NIM1K: variants seen among roughly 807,000 people sequenced by gnomAD.
The protein encoded by NIM1K is serine/threonine-protein kinase NIM1.
A neutral mutation model predicts 37.1 loss-of-function variants in NIM1K; 35 were observed. The observed-to-expected ratio is 0.94, with a 90% CI of 0.72 to 1.25. The LOEUF (loss-of-function observed/expected upper bound fraction) is 1.25. NIM1K is among the 50% of genes most tolerant of loss of function. The pLI is 0.00. For synonymous variants in NIM1K, 234 were observed against 206.6 expected, an observed-to-expected ratio of 1.13 and a Z score of -1.14; for missense variants, 564 against 548.0, an observed-to-expected ratio of 1.03 and a Z score of -0.29.
intron 1 of NIM1K, chr5:43,194,769 C>A (rs1227369043): frequency 6.6e-6 from 1 of 152,076 alleles, no homozygotes; most frequent in African/African-American, 2.4e-5. Context: ...GTTTTATTTT[C>A]TTTTCGTTTT....
chr5:43,255,754 A>AAAAAAAG (rs112325348), intron 2 of NIM1K, among the ~76,000 whole-genome samples: 8 of 131,808 alleles, frequency 6.1e-5, no homozygotes, highest in African/African-American at 2.0e-4. Context: ...TCTCAAAAAA[A>AAAAAAAG]AAAGAAAGAA....
Position 43,241,110 on chromosome 5 carries a change from A to G in NIM1K, c.-694-3972A>G, listed in dbSNP as rs146009977. ...ATGAGAATTCCTGTTTCCCCATACT[A>G]TCTCTCACCATTGCACTATCAAAAT... On this transcript the variant is annotated intron_variant, in intron 1 of 3. Transcript: ENST00000326035. Among the ~76,000 whole-genome samples, 47 of 152,108 alleles carry G rather than the reference A, an allele frequency of 3.1e-4. No individual in the cohort carries two copies. The East Asian group carries it at 8.5e-3, about 27-fold the overall frequency.
chr5:43,195,087 G>A (rs758588437), intron 1 of NIM1K, among the ~76,000 whole-genome samples: 10 of 152,100 alleles, frequency 6.6e-5, no homozygotes, highest in Non-Finnish European at 1.5e-4. Context: ...TCTTTCACTT[G>A]TTGAAAGGAC....
chr5:43,194,273 G>A (rs571953696), intron 1 of NIM1K, among the ~76,000 whole-genome samples: 3 of 152,312 alleles, frequency 2.0e-5, no homozygotes, highest in East Asian at 3.9e-4. Context: ...TCCTGCGAGA[G>A]GCTAGTGGGG....
At chr5:43,262,501 T>C (rs963366051) in intron 2 of NIM1K, among the ~76,000 whole-genome samples, 3 of 152,188 alleles carry the variant, frequency 2.0e-5, no homozygotes, top group Admixed American at 2.0e-4. Context: ...CTTAAGGAGA[T>C]TTGCGGCTGA....
At chr5:43,218,054 C>T (rs944354333) in intron 1 of NIM1K, among the ~76,000 whole-genome samples, 7 of 151,416 alleles carry the variant, frequency 4.6e-5, no homozygotes, top group African/African-American at 1.7e-4. Flanking sequence ...GTCTGTCGCC[C>T]AGGCTGGAGT....
intron 1 of NIM1K, among the ~76,000 whole-genome samples, chr5:43,244,177 A>G (rs1418400000): frequency 6.6e-6 from 1 of 152,258 alleles, no homozygotes; most frequent in Non-Finnish European, 1.5e-5. Flanking sequence ...TTGGAAATCC[A>G]TACTTCCAAG....
rs80103922 is a variant in NIM1K, at chr5:43,216,448, C to T, written c.-695+24037C>T. 5.4e-4 allele frequency among the ~76,000 whole-genome samples: 82 copies of T among 152,202 alleles called. 1 individual carries two copies. In the East Asian group the frequency reaches 0.012, roughly 21 times the overall value. On this transcript the variant is annotated intron_variant, in intron 1 of 3. Coordinates refer to ENST00000326035, the MANE Select transcript of NIM1K (RefSeq NM_153361.4). ...AAATATTAATCTCTTGAGATGAGTGCGTTTCATATCTTTTGGTAGTGCAAT... is the reference window on the plus strand; with the variant it reads ...AAATATTAATCTCTTGAGATGAGTGTGTTTCATATCTTTTGGTAGTGCAAT...
intron 1 of NIM1K, chr5:43,231,761 A>G: frequency 1.8e-6 from 2 of 1,131,292 alleles, no homozygotes; most frequent in Non-Finnish European, 1.3e-6. Flanking sequence ...TTCAATGTTT[A>G]AAACAGAATA....
intron 2 of NIM1K, among the ~76,000 whole-genome samples, chr5:43,251,088 G>A (rs1393749523): frequency 6.6e-6 from 1 of 152,104 alleles, no homozygotes; most frequent in Non-Finnish European, 1.5e-5. Flanking sequence ...CACTCAAAAT[G>A]GTAGCTGCCA....
intron 1 of NIM1K, chr5:43,194,954 C>T (rs1175249848): frequency 6.6e-6 from 1 of 152,102 alleles, no homozygotes; most frequent in African/African-American, 2.4e-5. Context: ...GTTTTTGTCA[C>T]ATATATAGTT....
intron 1 of NIM1K, chr5:43,207,266 G>A (rs2112211617): frequency 2.6e-6 from 2 of 758,646 alleles, no homozygotes; most frequent in East Asian, 2.5e-5. Context: ...TGGCAAAGAT[G>A]TACTCATTCT....
chr5:43,269,284 G>T (rs2111556440), intron 2 of NIM1K, among the ~76,000 whole-genome samples: 1 of 126,118 alleles, frequency 7.9e-6, no homozygotes, highest in East Asian at 3.0e-4. Context: ...TCTCCAGCCT[G>T]GGCAACAAAG....
chr5:43,252,693 C>T (rs543648271), intron 2 of NIM1K, among the ~76,000 whole-genome samples: 1 of 152,242 alleles, frequency 6.6e-6, no homozygotes, highest in Non-Finnish European at 1.5e-5. Flanking sequence ...TTTGGAATTC[C>T]CTTGGGCTCT....
chr5:43,274,625 G>A (rs1753310678), intron 2 of NIM1K, among the ~76,000 whole-genome samples: 1 of 152,210 alleles, frequency 6.6e-6, no homozygotes, highest in African/African-American at 2.4e-5. Flanking sequence ...TGCTGGGGCT[G>A]ATTGCCAGCT....
chr5:43,212,393 G>C (rs1207159211), intron 1 of NIM1K, among the ~76,000 whole-genome samples: 1 of 152,154 alleles, frequency 6.6e-6, no homozygotes. Flanking sequence ...GCTTAGTCCA[G>C]GCTCCAATAG....
At chr5:43,214,761 A>G (rs1752273555) in intron 1 of NIM1K, among the ~76,000 whole-genome samples, 1 of 143,438 alleles carries the variant, frequency 7.0e-6, no homozygotes, top group Non-Finnish European at 1.5e-5. Flanking sequence ...GCTTGCAGTG[A>G]GCCGAGATCG....
intron 2 of NIM1K, among the ~76,000 whole-genome samples, chr5:43,258,422 T>C (rs1389566104): frequency 3.9e-5 from 6 of 152,020 alleles, no homozygotes; most frequent in Non-Finnish European, 8.8e-5. Context: ...GTGAACATTC[T>C]AGTACAAGCG....
chr5:43,195,750 T>C (rs1270648409), intron 1 of NIM1K, among the ~76,000 whole-genome samples: 3 of 151,304 alleles, frequency 2.0e-5, no homozygotes, highest in African/African-American at 7.3e-5. Flanking sequence ...ATTATGAATA[T>C]GAGCATTAGC....
Sources: allele counts gnomAD v4.1 joint callset (sites outside exome capture counted in the v4.1 genomes callset), GRCh38; gene constraint gnomAD v4.1.1; transcripts MANE v1.5; gene names NCBI Gene and HGNC (gene_info 2026-07-23, HGNC 2026-07-21).